Variants in TASP1 observed in about 807,000 individuals in gnomAD.
TASP1 encodes the protein taspase 1.
Under a neutral mutation model 56.6 loss-of-function variants are expected in TASP1, and 16 were observed. The ratio of observed to expected loss-of-function variants is 0.28; its 90% CI spans 0.19 to 0.43. The LOEUF is 0.43. Among genes scored for constraint, TASP1 ranks in the 20% least tolerant of loss-of-function variants. The pLI, the probability that TASP1 is intolerant of heterozygous loss-of-function variation, is 1.00. For missense variants in TASP1, 393 were observed against 511.6 expected (o/e 0.77, Z 2.24); for synonymous variants, 179 against 184.2 (o/e 0.97, Z 0.23).
the TASP1 span, among the ~76,000 whole-genome samples, chr20:13,357,682 G>A: frequency 1.3e-5 from 2 of 152,000 alleles, no homozygotes; most frequent in South Asian, 2.1e-4. Flanking sequence ...ATATACCCAC[G>A]CAAAGACTTA....
the TASP1 span, among the ~76,000 whole-genome samples, chr20:13,157,664 G>GA: frequency 8.5e-4 from 121 of 141,536 alleles, no homozygotes; most frequent in East Asian, 7.0e-3. Flanking sequence ...ACTACAAACA[G>GA]AAAAAAAAAA....
At chr20:13,581,177 A>G (rs1486902026) in intron 5 of TASP1, among the ~76,000 whole-genome samples, 196 bp from the exon 6 acceptor site, 3 of 152,216 alleles carry the variant, frequency 2.0e-5, no homozygotes, top group South Asian at 4.1e-4. Context: ...ATGAAAACCT[A>G]GAAGAAAAGA....
chr20:13,508,497 A>G (rs2044210882), intron 10 of TASP1, among the ~76,000 whole-genome samples: 1 of 152,142 alleles, frequency 6.6e-6, no homozygotes, highest in African/African-American at 2.4e-5. Context: ...ACTGGTATGT[A>G]TTCTGCAATT....
At chr20:13,111,006 C>T in the TASP1 span, among the ~76,000 whole-genome samples, 1 of 152,040 alleles carries the variant, frequency 6.6e-6, no homozygotes, top group Non-Finnish European at 1.5e-5. Flanking sequence ...CCTGAGTGCA[C>T]ATTTTTTCTG....
the TASP1 span, among the ~76,000 whole-genome samples, chr20:13,221,443 C>T: frequency 6.9e-6 from 1 of 145,896 alleles, no homozygotes; most frequent in Non-Finnish European, 1.5e-5. Flanking sequence ...GGGTCCCGGG[C>T]TGTCCCGGGA....
chr20:13,406,916 T>C (rs1033924827), intron 13 of TASP1, among the ~76,000 whole-genome samples: 2 of 152,166 alleles, frequency 1.3e-5, no homozygotes, highest in Admixed American at 1.3e-4. Context: ...TCTGCCCGCC[T>C]TGGCCTCCCA....
chr20:13,502,662 G>C (rs1005392104), intron 10 of TASP1, among the ~76,000 whole-genome samples: 1 of 141,866 alleles, frequency 7.0e-6, no homozygotes, highest in African/African-American at 3.0e-5. Context: ...TTATTAATCA[G>C]AGAATTTGTG....
At chr20:13,594,370 ATGACTT>A (rs1568626461) in intron 4 of TASP1, among the ~76,000 whole-genome samples, 1 of 152,248 alleles carries the variant, frequency 6.6e-6, no homozygotes, top group Non-Finnish European at 1.5e-5. Context: ...TGGATGGAGA[ATGACTT>A]TGAGGAGATG....
chr20:13,217,014 C>T, the TASP1 span, among the ~76,000 whole-genome samples: 14 of 152,340 alleles, frequency 9.2e-5, no homozygotes, highest in Middle Eastern at 0.014. Context: ...GAACACAGAA[C>T]AGCCTCCACC....
At chr20:13,455,990 A>T (rs1251439933) in intron 11 of TASP1, among the ~76,000 whole-genome samples, 9 of 152,164 alleles carry the variant, frequency 5.9e-5, no homozygotes, top group Admixed American at 2.0e-4. Context: ...AGACAAGAGC[A>T]GAGCTTTCAA....
the TASP1 span, chr20:13,221,926 G>T: frequency 1.5e-6 from 2 of 1,324,730 alleles, no homozygotes; most frequent in Admixed American, 4.1e-5. Context: ...TGAGTGCGCC[G>T]CCGGAGAGGG....
the TASP1 span, among the ~76,000 whole-genome samples, chr20:13,342,991 C>T: frequency 6.6e-6 from 1 of 152,194 alleles, no homozygotes; most frequent in Non-Finnish European, 1.5e-5. Context: ...CTCTCATGTA[C>T]TTTGCTGACT....
chr20:13,335,616 T>C, the TASP1 span, among the ~76,000 whole-genome samples: 2 of 151,736 alleles, frequency 1.3e-5, no homozygotes, highest in Non-Finnish European at 2.9e-5. Flanking sequence ...ATAAAAAATG[T>C]TAAAAATAGT....
chr20:13,328,021 C>G, the TASP1 span, among the ~76,000 whole-genome samples: 1 of 152,086 alleles, frequency 6.6e-6, no homozygotes, highest in Non-Finnish European at 1.5e-5. Flanking sequence ...GAACAGACAA[C>G]CTACAGAATG....
the TASP1 span, among the ~76,000 whole-genome samples, chr20:13,295,549 G>A: frequency 2.0e-5 from 3 of 152,126 alleles, no homozygotes; most frequent in African/African-American, 7.2e-5. Flanking sequence ...CGATGCTATT[G>A]CAGTCTGTGT....
intron 13 of TASP1, among the ~76,000 whole-genome samples, chr20:13,414,748 A>C (rs1252879174): frequency 1.3e-5 from 2 of 152,132 alleles, no homozygotes; most frequent in Non-Finnish European, 2.9e-5. Context: ...CCTTAAAAAT[A>C]AATCTTTATC....
intron 6 of TASP1, among the ~76,000 whole-genome samples, chr20:13,574,194 TA>T: frequency 6.6e-6 from 1 of 151,598 alleles, no homozygotes; most frequent in East Asian, 1.9e-4. Flanking sequence ...CCAGCCAAAG[TA>T]AAGGCCTCAT....
At chr20:13,241,218 CCA>C in the TASP1 span, among the ~76,000 whole-genome samples, 1 of 152,038 alleles carries the variant, frequency 6.6e-6, no homozygotes, top group Non-Finnish European at 1.5e-5. Flanking sequence ...GGAACAGACT[CCA>C]GTGTCTATTG....
the TASP1 span, among the ~76,000 whole-genome samples, chr20:13,305,931 T>A: frequency 6.6e-6 from 1 of 152,296 alleles, no homozygotes; most frequent in East Asian, 1.9e-4. Context: ...CCTCAACCAT[T>A]TTAGTGGCAG....
Sources: gnomAD v4.1 joint callset for allele counts (sites outside exome capture counted in the v4.1 genomes callset) on GRCh38, gnomAD v4.1.1 for gene constraint, MANE v1.5 for transcripts, NCBI Gene and HGNC (gene_info 2026-07-23, HGNC 2026-07-21) for gene names.